Variants in ZFHX3 observed in about 807,000 individuals in gnomAD.
ZFHX3 encodes the protein zinc finger homeobox 3.
In ZFHX3, 42 loss-of-function variants were observed where a neutral mutation model predicts 279.1. The ratio of observed to expected loss-of-function variants is 0.15; its 90% CI spans 0.12 to 0.19. The LOEUF is 0.19. Among genes scored for constraint, ZFHX3 ranks in the 10% least tolerant of loss-of-function variants. ZFHX3 has a pLI of 1.00. For synonymous variants in ZFHX3, 2,293 were observed against 1,957.8 expected (o/e 1.17, Z -4.52); for missense variants, 4,981 against 4,754.0 (o/e 1.05, Z -1.40).
At chr16:73,572,383 C>G (rs825678) in intron 2 of ZFHX3, among the ~76,000 whole-genome samples, 1 of 151,974 alleles carries the variant, frequency 6.6e-6, no homozygotes, top group South Asian at 2.1e-4. Flanking sequence ...AATGACACAC[C>G]TTGAAGGACA....
At chr16:73,736,213 G>A (rs571676730) in intron 1 of ZFHX3, among the ~76,000 whole-genome samples, 7 of 152,164 alleles carry the variant, frequency 4.6e-5, no homozygotes, top group Middle Eastern at 3.4e-3. Flanking sequence ...CTAGTTCATC[G>A]TCACCCTTGT....
chr16:73,100,497 G>A (rs937144195), intron 7 of ZFHX3, among the ~76,000 whole-genome samples: 4 of 152,042 alleles, frequency 2.6e-5, no homozygotes, highest in African/African-American at 7.2e-5. Flanking sequence ...GTGCAAGAAA[G>A]CCCCTTCACC....
At chr16:73,132,178 C>T (rs1331056318) in intron 6 of ZFHX3, among the ~76,000 whole-genome samples, 3 of 152,032 alleles carry the variant, frequency 2.0e-5, no homozygotes, top group Non-Finnish European at 2.9e-5. Flanking sequence ...CCAGCTACTC[C>T]GGAGGCTGAT....
At chr16:73,598,638 T>C (rs1196967630) in intron 2 of ZFHX3, among the ~76,000 whole-genome samples, 1 of 152,184 alleles carries the variant, frequency 6.6e-6, no homozygotes. Flanking sequence ...CAGGCTGGTC[T>C]CAAACTCCTG....
At chr16:73,097,244 T>TTC (rs1043306976) in intron 7 of ZFHX3, among the ~76,000 whole-genome samples, 3 of 150,048 alleles carry the variant, frequency 2.0e-5, no homozygotes, top group Non-Finnish European at 3.0e-5. Context: ...TTTTTTTTTT[T>TTC]TTTTTGTAGA....
chr16:73,276,620 T>C (rs1021774688), intron 4 of ZFHX3, among the ~76,000 whole-genome samples: 3 of 152,250 alleles, frequency 2.0e-5, no homozygotes, highest in Non-Finnish European at 2.9e-5. Flanking sequence ...TTTTAGTGTA[T>C]GTATTTAAAG....
chr16:72,977,246 A>C (rs1962389691), intron 1 of ZFHX3, among the ~76,000 whole-genome samples: 1 of 151,978 alleles, frequency 6.6e-6, no homozygotes, highest in East Asian at 1.9e-4. Flanking sequence ...CAGCGACTTT[A>C]TAAACTCCAC....
At chr16:73,507,325 A>C in intron 2 of ZFHX3, among the ~76,000 whole-genome samples, 1 of 152,156 alleles carries the variant, frequency 6.6e-6, no homozygotes, top group East Asian at 1.9e-4. Flanking sequence ...AATGGGCTGA[A>C]GGCCAGATTC....
At chr16:72,872,038 T>A (rs2038174422) in intron 4 of ZFHX3, among the ~76,000 whole-genome samples, 1 of 151,856 alleles carries the variant, frequency 6.6e-6, no homozygotes, top group Admixed American at 6.6e-5. Flanking sequence ...TTAGCCGAGA[T>A]CCTGCCACCG....
At chr16:73,678,621 A>C (rs1452649372) in intron 2 of ZFHX3, among the ~76,000 whole-genome samples, 1 of 152,166 alleles carries the variant, frequency 6.6e-6, no homozygotes, top group Non-Finnish European at 1.5e-5. Context: ...TGTAACAGAA[A>C]CCTGAGCTAT....
intron 3 of ZFHX3, among the ~76,000 whole-genome samples, chr16:72,908,901 C>A (rs1057136283): frequency 6.6e-6 from 1 of 152,186 alleles, no homozygotes; most frequent in Non-Finnish European, 1.5e-5. Context: ...AGAAAGCATT[C>A]AGATTTTAGC....
intron 5 of ZFHX3, among the ~76,000 whole-genome samples, chr16:73,150,775 C>A (rs993918837): frequency 6.6e-6 from 1 of 152,140 alleles, no homozygotes; most frequent in Non-Finnish European, 1.5e-5. Context: ...ATCTTTGTAT[C>A]TCCAGCACTT....
chr16:73,543,024 G>T (rs1285392883), intron 2 of ZFHX3, among the ~76,000 whole-genome samples: 1 of 152,166 alleles, frequency 6.6e-6, no homozygotes, highest in Non-Finnish European at 1.5e-5. Context: ...ATTTCCAGGT[G>T]CCTGGGGACC....
intron 3 of ZFHX3, among the ~76,000 whole-genome samples, chr16:73,345,147 T>C (rs1285360032): frequency 1.3e-5 from 2 of 152,246 alleles, no homozygotes; most frequent in Non-Finnish European, 2.9e-5. Context: ...TAAATCTTTT[T>C]ATACGGAAAT....
At chr16:73,559,700 G>A (rs1174023839) in intron 2 of ZFHX3, among the ~76,000 whole-genome samples, 1 of 152,100 alleles carries the variant, frequency 6.6e-6, no homozygotes, top group Non-Finnish European at 1.5e-5. Flanking sequence ...AAGACGACAC[G>A]GCAGAACTTC....
intron 5 of ZFHX3, among the ~76,000 whole-genome samples, chr16:73,235,567 G>A (rs552083430): frequency 1.1e-3 from 171 of 152,292 alleles, no homozygotes; most frequent in Middle Eastern, 3.4e-3. Context: ...GAGGCACTCG[G>A]CTCTGGTCAC....
chr16:73,485,296 A>C (rs2018953187), intron 2 of ZFHX3, among the ~76,000 whole-genome samples: 1 of 152,164 alleles, frequency 6.6e-6, no homozygotes, highest in South Asian at 2.1e-4. Flanking sequence ...TGTAATGTCC[A>C]AATCCCATTT....
chr16:73,807,902 T>C (rs902157483), intron 1 of ZFHX3, among the ~76,000 whole-genome samples: 6 of 152,094 alleles, frequency 3.9e-5, no homozygotes. Flanking sequence ...CGTGTATCCA[T>C]TGAATCTTCC....
At chr16:72,961,721 C>G (rs1472804390) in intron 1 of ZFHX3, among the ~76,000 whole-genome samples, 3 of 152,002 alleles carry the variant, frequency 2.0e-5, no homozygotes, top group Non-Finnish European at 4.4e-5. Context: ...TACCAGAAGT[C>G]TCAGGGAGAA....
Sources: gnomAD v4.1 joint callset for allele counts (sites outside exome capture counted in the v4.1 genomes callset) on GRCh38, gnomAD v4.1.1 for gene constraint, MANE v1.5 for transcripts, NCBI Gene and HGNC (gene_info 2026-07-23, HGNC 2026-07-21) for gene names.